Variants in SYN2 observed in about 807,000 individuals in gnomAD.
SYN2 encodes synapsin-2.
Under a neutral mutation model 50.9 loss-of-function variants are expected in SYN2, and 19 were observed. The ratio of observed to expected loss-of-function variants is 0.37; its 90% CI spans 0.26 to 0.55. The LOEUF (loss-of-function observed/expected upper bound fraction) is 0.55. Among genes scored for constraint, SYN2 ranks in the 20% least tolerant of loss-of-function variants. The probability of loss-of-function intolerance (pLI) is 0.81; values close to 1 mark genes in which losing one functional copy is unlikely to be tolerated. For missense variants in SYN2, 587 were observed against 576.4 expected, an observed-to-expected ratio of 1.02 and a Z score of -0.19; for synonymous variants, 255 against 224.9, an observed-to-expected ratio of 1.13 and a Z score of -1.20.
chr3:12,124,850 G>C (rs2648338), intron 1 of SYN2, among the ~76,000 whole-genome samples: 1 of 152,198 alleles, frequency 6.6e-6, no homozygotes, highest in East Asian at 1.9e-4. Context: ...AAGGGATGTA[G>C]AGGAATAGGA....
chr3:12,112,758 G>T lies in SYN2; in HGVS notation c.378-27893G>T, dbSNP rs117727191. Among the ~76,000 whole-genome samples the T allele has an allele frequency of 1.1e-3, 166 of 145,102 alleles. No individual in the cohort carries two copies. In the East Asian group the frequency reaches 0.028, roughly 25 times the overall value. On this transcript the variant is annotated intron_variant, in intron 1 of 12. Coordinates refer to ENST00000621198, the MANE Select transcript of SYN2 (RefSeq NM_133625.6). ...ATAAACCTATTTCTTCTGCCTCCAC[G>T]TGAAAGTTCATTATACTATACCACA...
At chr3:12,110,209 T>G (rs1348556702) in intron 1 of SYN2, among the ~76,000 whole-genome samples, 10 of 152,144 alleles carry the variant, frequency 6.6e-5, no homozygotes, top group Admixed American at 6.5e-4. Flanking sequence ...TGGTAATAAT[T>G]GTAATACTTA....
chr3:12,058,242 T>G (rs930885134), intron 1 of SYN2, among the ~76,000 whole-genome samples: 7 of 152,318 alleles, frequency 4.6e-5, no homozygotes, highest in Non-Finnish European at 1.0e-4. Flanking sequence ...TAAATATGTT[T>G]TCTTTCCCAC....
intron 1 of SYN2, among the ~76,000 whole-genome samples, chr3:12,112,728 A>G (rs1035240414): frequency 6.6e-6 from 1 of 151,808 alleles, no homozygotes; most frequent in African/African-American, 2.4e-5. Flanking sequence ...TTGGCAGACT[A>G]AAACATAAAC....
At chr3:12,149,843 TAC>T (rs1248591482) in intron 4 of SYN2, among the ~76,000 whole-genome samples, 1 of 152,154 alleles carries the variant, frequency 6.6e-6, no homozygotes, top group Non-Finnish European at 1.5e-5. Context: ...TCACTTAAAC[TAC>T]AGTTTGATAG....
At chr3:12,110,758 C>G (rs1325745244) in intron 1 of SYN2, among the ~76,000 whole-genome samples, 3 of 152,342 alleles carry the variant, frequency 2.0e-5, no homozygotes, top group Middle Eastern at 3.4e-3. Context: ...CTCTGACTAC[C>G]CTGCTGTATT....
intron 1 of SYN2, among the ~76,000 whole-genome samples, chr3:12,028,396 T>G (rs1266602808): frequency 6.8e-6 from 1 of 147,334 alleles, no homozygotes; most frequent in Admixed American, 6.7e-5. Context: ...TACCCAGTAA[T>G]GGGATGGCTG....
At chr3:12,153,749 G>C in intron 5 of SYN2, 2 of 1,607,566 alleles carry the variant, frequency 1.2e-6, no homozygotes, top group Non-Finnish European at 1.7e-6. Context: ...AGTGAGTAGG[G>C]TGTCCTTCTT....
At chr3:12,162,498 C>T (rs1327303374) in intron 7 of SYN2, among the ~76,000 whole-genome samples, 9 of 152,194 alleles carry the variant, frequency 5.9e-5, no homozygotes, top group African/African-American at 2.2e-4. Context: ...GGATTATTCT[C>T]ATTCCTACTT....
At chr3:12,033,849 A>T (rs1310587734) in intron 1 of SYN2, among the ~76,000 whole-genome samples, 1 of 152,150 alleles carries the variant, frequency 6.6e-6, no homozygotes, top group Non-Finnish European at 1.5e-5. Context: ...TCAGTGCTTC[A>T]TTCCTTTTTA....
chr3:12,161,402 TC>T, intron 5 of SYN2, 143 bp from the exon 6 acceptor site: 1 of 873,430 alleles, frequency 1.1e-6, no homozygotes, highest in Non-Finnish European at 1.8e-6. Flanking sequence ...TCCATGGGTC[TC>T]AGTTTTTTAA....
At chr3:12,007,299 A>G (rs948391580) in intron 1 of SYN2, among the ~76,000 whole-genome samples, 1 of 152,346 alleles carries the variant, frequency 6.6e-6, no homozygotes, top group South Asian at 2.1e-4. Context: ...ATTAAAACTC[A>G]TAAGCCCAGT....
At chr3:12,132,643 T>C (rs565518316) in intron 1 of SYN2, among the ~76,000 whole-genome samples, 1 of 152,342 alleles carries the variant, frequency 6.6e-6, no homozygotes, top group African/African-American at 2.4e-5. Context: ...TGTTTTTCTC[T>C]GGACCATTTC....
Position 12,169,765 on chromosome 3 carries a change from C to G in SYN2, c.1167C>G (p.Asp389Glu). Residue 389 changes from aspartate to glutamate, a missense_variant, in exon 10 of 13, where the codon GAC becomes GAG. Coordinates refer to ENST00000621198, the MANE Select transcript of SYN2 (RefSeq NM_133625.6). ...GACACATCTCCCACCAGGTCATGGACTGTAGCATGCCACTGATTGGGGAAC... is the reference window on the plus strand; with the variant it reads ...GACACATCTCCCACCAGGTCATGGAGTGTAGCATGCCACTGATTGGGGAAC... ...DGKDYIFEVM[D>E]CSMPLIGEHQ... 1 of 1,613,952 alleles carries G rather than the reference C, an allele frequency of 6.2e-7. No individual in the cohort carries two copies. The highest frequency in any genetic ancestry group is 8.5e-7 in the Non-Finnish European group (1 of 1,179,864).
chr3:12,018,794 A>G (rs906563177), intron 1 of SYN2, among the ~76,000 whole-genome samples: 1 of 152,220 alleles, frequency 6.6e-6, no homozygotes, highest in Non-Finnish European at 1.5e-5. Context: ...TAACAAAAAC[A>G]ACAGATTTCA....
At chr3:12,178,270 A>T (rs1698134834) in intron 10 of SYN2, among the ~76,000 whole-genome samples, 1 of 152,162 alleles carries the variant, frequency 6.6e-6, no homozygotes, top group Non-Finnish European at 1.5e-5. Flanking sequence ...TATGCTGAGC[A>T]AGCACAGGCC....
At chr3:12,108,652 TA>T (rs1298728494) in intron 1 of SYN2, among the ~76,000 whole-genome samples, 1 of 152,204 alleles carries the variant, frequency 6.6e-6, no homozygotes, top group Non-Finnish European at 1.5e-5. Flanking sequence ...TTTAATTCTT[TA>T]CCCTCAGGAG....
chr3:12,036,832 T>C (rs185853843), intron 1 of SYN2, among the ~76,000 whole-genome samples: 343 of 152,340 alleles, frequency 2.3e-3, no homozygotes, highest in Non-Finnish European at 4.2e-3. Context: ...ACATCTTTCC[T>C]TCTCCTTCCC....
chr3:12,149,209 C>A (rs147638866), intron 4 of SYN2, among the ~76,000 whole-genome samples: 136 of 152,308 alleles, frequency 8.9e-4, no homozygotes, highest in African/African-American at 3.2e-3. Context: ...GGTAGGGCCC[C>A]ACATGTCTTG....
Sources: gnomAD v4.1 joint callset for allele counts (sites outside exome capture counted in the v4.1 genomes callset) on GRCh38, gnomAD v4.1.1 for gene constraint, MANE v1.5 for transcripts, NCBI Gene and HGNC (gene_info 2026-07-23, HGNC 2026-07-21) for gene names.